RNF17: variants seen among roughly 807,000 people sequenced by gnomAD.
RNF17 encodes ring finger protein 17.
RNF17 carries 31 observed loss-of-function variants against 200.5 expected under a neutral mutation model. That is an observed-to-expected ratio of 0.15 (90% CI 0.12 to 0.21). RNF17 has a LOEUF of 0.21. RNF17 is among the 10% of genes least tolerant of loss of function. The pLI is 1.00. For missense variants in RNF17, 1,628 were observed against 1,905.1 expected, an observed-to-expected ratio of 0.85 and a Z score of 2.71; for synonymous variants, 606 against 637.8, an observed-to-expected ratio of 0.95 and a Z score of 0.75.
intron 15 of RNF17, among the ~76,000 whole-genome samples, chr13:24,807,063 C>A (rs914183689): frequency 8.2e-4 from 125 of 151,604 alleles, no homozygotes; most frequent in Non-Finnish European, 1.6e-4. Flanking sequence ...GGACATTTGG[C>A]TTGGTTCCAA....
At chr13:24,829,334 CAT>C in intron 16 of RNF17, among the ~76,000 whole-genome samples, 1 of 152,250 alleles carries the variant, frequency 6.6e-6, no homozygotes, top group Admixed American at 6.5e-5. Flanking sequence ...ACTCTGTTCT[CAT>C]GTGATAATTT....
chr13:24,858,599 C>T (rs149868909), intron 25 of RNF17, among the ~76,000 whole-genome samples: 2,869 of 90,496 alleles, frequency 0.032, 49 homozygotes, highest in Middle Eastern at 0.061. Flanking sequence ...TATATGTTTA[C>T]TGTGGAACTA....
intron 9 of RNF17, among the ~76,000 whole-genome samples, chr13:24,791,951 G>A (rs1267849968): frequency 6.6e-6 from 1 of 152,144 alleles, no homozygotes; most frequent in Non-Finnish European, 1.5e-5. Flanking sequence ...GGCTAAGATA[G>A]CTGATTAGAT....
intron 3 of RNF17, among the ~76,000 whole-genome samples, chr13:24,775,849 AC>A (rs1881491478): frequency 6.6e-6 from 1 of 152,224 alleles, no homozygotes; most frequent in East Asian, 1.9e-4. Flanking sequence ...AAGGGAATGG[AC>A]CACATTTTAT....
chr13:24,764,550 A>G (rs987806193), intron 1 of RNF17, among the ~76,000 whole-genome samples: 3 of 152,164 alleles, frequency 2.0e-5, no homozygotes, highest in Admixed American at 1.3e-4. Flanking sequence ...GCTTTCTCCA[A>G]TTACCCATCC....
At chr13:24,862,209 G>C (rs539359746) in intron 27 of RNF17, among the ~76,000 whole-genome samples, 1 of 152,138 alleles carries the variant, frequency 6.6e-6, no homozygotes, top group Admixed American at 6.6e-5. Context: ...TGATACTGCC[G>C]TCAAGATGTC....
intron 22 of RNF17, among the ~76,000 whole-genome samples, chr13:24,848,185 A>G (rs984289523): frequency 6.6e-6 from 1 of 152,218 alleles, no homozygotes; most frequent in African/African-American, 2.4e-5. Flanking sequence ...TCTGGATAAA[A>G]TATCTGCTGA....
rs572824511 is a variant in RNF17, at chr13:24,799,371, C to T, written c.1400-24C>T. ...GGCTTTTATTGATAAATGTTTATAA[C>T]GATTTGTTTCCCTCATTATTTAGGT... On this transcript the variant is annotated intron_variant, in intron 11 of 35. Transcript: ENST00000255324. The T allele has an allele frequency of 4.8e-5, 74 of 1,554,448 alleles. No homozygotes were observed. In the South Asian group the frequency reaches 5.1e-4, roughly 11 times the overall value.
At chr13:24,881,943 TATAGATATATAGATACATCTAG>T (rs1566272820), downstream of RNF17, among the ~76,000 whole-genome samples, 40 of 15,990 alleles carry the variant, frequency 2.5e-3, 3 homozygotes, top group African/African-American at 3.8e-3. Context: ...GATACATCTA[TATAGATATATAGATACATCTAG>T]ATATATAGAT....
Position 24,779,697 on chromosome 13 carries a change from G to C in RNF17, c.460G>C (p.Ala154Pro). Residue 154 changes from alanine to proline, a missense_variant, in exon 5 of 36, where the codon GCA becomes CCA. Around this residue, in one of 5 missense-constraint regions of RNF17, gnomAD observed 502 missense variants for 501.7 expected, o/e 1.00. Coordinates refer to ENST00000255324, the MANE Select transcript of RNF17 (RefSeq NM_031277.3). Reference sequence around the variant, plus strand: ...TAATACTGCAGAAGAAATTGATGAAGCATTGAATACAGCACACCATAGTTT... The same window carrying C: ...TAATACTGCAGAAGAAATTGATGAACCATTGAATACAGCACACCATAGTTT... Reference protein sequence around the residue: ...DTNTAEEIDEALNTAHHSFEQ... With the variant: ...DTNTAEEIDEPLNTAHHSFEQ... 1 of 1,613,370 alleles carries C rather than the reference G, an allele frequency of 6.2e-7. No homozygotes were observed. Among genetic ancestry groups the C allele is most frequent in the Non-Finnish European group, 8.5e-7 (1 of 1,179,590 alleles).
At chr13:24,843,592 T>A (rs2138143099) in intron 19 of RNF17, 152 bp from the exon 20 acceptor site, 1 of 638,758 alleles carries the variant, frequency 1.6e-6, no homozygotes, top group East Asian at 2.8e-5. Context: ...ATAACTTATA[T>A]ACAGTAAAAA....
At chr13:24,814,249 T>C (rs1476512282) in intron 15 of RNF17, among the ~76,000 whole-genome samples, 2 of 152,114 alleles carry the variant, frequency 1.3e-5, no homozygotes, top group African/African-American at 4.8e-5. Context: ...CTGGCAGAGG[T>C]GGAAAAAAAT....
At chr13:24,875,220 A>C (rs142148026) in intron 33 of RNF17, among the ~76,000 whole-genome samples, 4 of 152,178 alleles carry the variant, frequency 2.6e-5, no homozygotes, top group Non-Finnish European at 5.9e-5. Flanking sequence ...ATTCTGCTCA[A>C]ATTGAAACAA....
At position 24,767,314 on chromosome 13, in the gene RNF17, T is replaced by C. The variant is rs535000800; in HGVS notation, c.173T>C (p.Leu58Pro). The C allele has an allele frequency of 9.1e-5, 147 of 1,612,948 alleles. 1 individual carries two copies. The South Asian group carries it at 1.2e-3, about 14-fold the overall frequency. The change falls in exon 2 of 36, where the codon CTA becomes CCA. Residue 58 changes from leucine (L) to proline (P), a missense_variant. By Grantham distance (98) the Leu-to-Pro change is moderately conservative. Coordinates refer to ENST00000255324, the MANE Select transcript of RNF17 (RefSeq NM_031277.3). ...CAATGTGGACATGCTTTTTGTGAAC[T>C]ATGCTTGTTAATGACTGAAGAATGC... is the stretch of plus-strand genomic sequence containing the variant. ...ELQCGHAFCE[L>P]CLLMTEECTT...
At chr13:24,835,749 C>A (rs1030672102) in intron 18 of RNF17, among the ~76,000 whole-genome samples, 1 of 152,170 alleles carries the variant, frequency 6.6e-6, no homozygotes, top group Non-Finnish European at 1.5e-5. Flanking sequence ...CCTGGTAATA[C>A]GACAAAACAA....
In RNF17 at chr13:24,844,746, A is replaced by G. The variant is rs1197881232; in HGVS notation, c.2926A>G (p.Lys976Glu). Reference sequence around the variant, plus strand: ...GCACTGTGCTGTTAAGATCCAAGATAAAAATCAGTGGCGAAGAGGCCAGAT... The same window carrying G: ...GCACTGTGCTGTTAAGATCCAAGATGAAAATCAGTGGCGAAGAGGCCAGAT... ...DMHCAVKIQDKNQWRRGQIIR... is the reference protein window; with the variant it reads ...DMHCAVKIQDENQWRRGQIIR... Residue 976 changes from lysine (K) to glutamate (E), a missense_variant, in exon 21 of 36, where the codon AAA (lysine) becomes GAA (glutamate). Lys to Glu is a moderately conservative substitution (Grantham distance 56). Coordinates refer to ENST00000255324, the MANE Select transcript of RNF17 (RefSeq NM_031277.3). 4.3e-6 allele frequency: 7 copies of G among 1,613,700 alleles called. No individual in the cohort carries two copies. The highest frequency in any genetic ancestry group is 5.9e-6 in the Non-Finnish European group (7 of 1,179,738).
chr13:24,844,528 C>G, intron 20 of RNF17, 124 bp from the exon 21 acceptor site: 1 of 746,464 alleles, frequency 1.3e-6, no homozygotes, highest in East Asian at 2.6e-5. Context: ...CTTGTACATT[C>G]AAGGAAGAAC....
At chr13:24,841,947 CAG>C in intron 18 of RNF17, 92 bp from the exon 19 acceptor site, 1 of 1,057,350 alleles carries the variant, frequency 9.5e-7, no homozygotes, top group African/African-American at 1.6e-5. Flanking sequence ...GCCTGGGCGA[CAG>C]AGTGAGACTC....
intron 2 of RNF17, among the ~76,000 whole-genome samples, chr13:24,771,072 G>T (rs537971035): frequency 1.3e-5 from 2 of 152,282 alleles, no homozygotes; most frequent in South Asian, 2.1e-4. Context: ...TGCCTCTTCT[G>T]TGTGGATCTT....
Sources: gnomAD v4.1 joint callset for allele counts (sites outside exome capture counted in the v4.1 genomes callset) on GRCh38, gnomAD v4.1.1 for gene constraint, gnomAD v4.1.1 regional missense constraint, MANE v1.5 for transcripts, NCBI Gene and HGNC (gene_info 2026-07-23, HGNC 2026-07-21) for gene names.